USP24: variants seen among roughly 807,000 people sequenced by gnomAD.
USP24 encodes ubiquitin specific peptidase 24, also known as ubiquitin carboxyl-terminal hydrolase 24.
USP24 carries 97 observed loss-of-function variants against 361.6 expected under a neutral mutation model. The ratio of observed to expected loss-of-function variants is 0.27; its 90% CI spans 0.23 to 0.32. The LOEUF (loss-of-function observed/expected upper bound fraction) is 0.32, where lower values mean the gene tolerates loss of function less well. USP24 is among the 10% of genes least tolerant of loss of function. USP24 has a pLI of 1.00. For synonymous variants in USP24, 1,098 were observed against 1,124.6 expected (o/e 0.98, Z 0.47); for missense variants, 2,353 against 3,165.6 (o/e 0.74, Z 6.16).
Position 55,139,770 on chromosome 1 carries a change from A to T in USP24, c.2751-760T>A, listed in dbSNP as rs535813078. 7.2e-5 allele frequency among the ~76,000 whole-genome samples: 11 copies of T among 152,290 alleles called. No homozygotes were observed. The East Asian group carries it at 9.6e-4, about 13-fold the overall frequency. ...GGTATGCTGATTAGCAGTACCAAAAATTTCACTCTAAAAACAGCTGGTTAA... is the reference window on the plus strand; with the variant it reads ...GGTATGCTGATTAGCAGTACCAAAATTTTCACTCTAAAAACAGCTGGTTAA... On this transcript the variant is annotated intron_variant, in intron 24 of 67. Coordinates refer to ENST00000294383, the MANE Select transcript of USP24 (RefSeq NM_015306.3).
chr1:55,144,241 A>G (rs1234966368), intron 20 of USP24, 38 bp from the exon 21 acceptor site: 1 of 1,347,080 alleles, frequency 7.4e-7, no homozygotes, highest in South Asian at 1.4e-5. Context: ...CATGTACTCT[A>G]CGTAACACAG....
At chr1:55,202,179 G>C (rs565243050) in intron 1 of USP24, among the ~76,000 whole-genome samples, 1 of 152,216 alleles carries the variant, frequency 6.6e-6, no homozygotes, top group Admixed American at 6.5e-5. Context: ...CCTAAGGCAA[G>C]TGTTATATTT....
At position 55,097,970 on chromosome 1, in the gene USP24, C is replaced by T. The variant is rs776532547; in HGVS notation, c.5568G>A (p.Ala1856=). 20 of 1,610,764 alleles carry T rather than the reference C, an allele frequency of 1.2e-5. No individual in the cohort carries two copies. Among genetic ancestry groups the T allele is most frequent in the African/African-American group, 5.4e-5 (4 of 74,654 alleles). Reference sequence around the variant, plus strand: ...TTTCTTTACACTTTTCACAGTAGTACGCATTACTTCCTTCTAGAACTTCTC... The same window carrying T: ...TTTCTTTACACTTTTCACAGTAGTATGCATTACTTCCTTCTAGAACTTCTC... The part of the protein sequence containing the change: ...VRGEVLEGSN[A]YYCEKCKEKR... The change falls in exon 47 of 68, where the codon GCG becomes GCA. Residue 1856 remains alanine (A), a synonymous_variant. Coordinates refer to ENST00000294383, the MANE Select transcript of USP24 (RefSeq NM_015306.3).
intron 25 of USP24, 97 bp downstream of exon 25, chr1:55,138,847 T>C: frequency 7.4e-7 from 1 of 1,355,932 alleles, no homozygotes; most frequent in Admixed American, 1.9e-5. Flanking sequence ...GGTGTGGTGG[T>C]GTGTGCTAAA....
In USP24 at chr1:55,078,664, C is replaced by T; in HGVS notation, c.7201-13G>A. ...AAGCAAACATTACCTGGTGGGAAGA[C>T]ATAACACAGTCAGCTATTCTCATGT... On this transcript the variant is annotated splice_polypyrimidine_tract_variant and intron_variant, in intron 60 of 67. Coordinates refer to ENST00000294383, the MANE Select transcript of USP24 (RefSeq NM_015306.3). The T allele has an allele frequency of 6.3e-7, 1 of 1,591,446 alleles. No individual in the cohort carries two copies. The highest frequency in any genetic ancestry group is 8.5e-7 in the Non-Finnish European group (1 of 1,171,588).
intron 55 of USP24, among the ~76,000 whole-genome samples, chr1:55,088,822 T>C (rs1028502105): frequency 3.3e-5 from 5 of 152,224 alleles, no homozygotes; most frequent in African/African-American, 9.6e-5. Flanking sequence ...TTCATAGTGA[T>C]TGGAGCATTC....
intron 3 of USP24, among the ~76,000 whole-genome samples, chr1:55,174,149 A>T (rs1297813637): frequency 6.6e-6 from 1 of 152,252 alleles, no homozygotes; most frequent in Non-Finnish European, 1.5e-5. Flanking sequence ...AAATGACAAC[A>T]AAGCTCCTTT....
intron 1 of USP24, among the ~76,000 whole-genome samples, chr1:55,187,160 A>G (rs1020574216): frequency 5.3e-5 from 8 of 152,200 alleles, no homozygotes; most frequent in Non-Finnish European, 8.8e-5. Flanking sequence ...CACCATAGTA[A>G]CAGAATAAAG....
At chr1:55,198,173 G>T (rs966106821) in intron 1 of USP24, among the ~76,000 whole-genome samples, 1 of 151,354 alleles carries the variant, frequency 6.6e-6, no homozygotes, top group Non-Finnish European at 1.5e-5. Context: ...TTAAAGACAG[G>T]ATCTCACTAT....
chr1:55,173,657 A>G (rs1451560675), intron 3 of USP24, among the ~76,000 whole-genome samples: 2 of 152,238 alleles, frequency 1.3e-5, no homozygotes, highest in African/African-American at 2.4e-5. Context: ...GGAAGAGCCC[A>G]AACTGTAATA....
At position 55,206,803 on chromosome 1, in the gene USP24, CAATT is replaced by C. The variant is rs549188531; in HGVS notation, c.324+7983_324+7986del. ...AGCAAGGAGTCTAGAATAACACAGA[CAATT>C]AATAATAGTGTTGCTATTCACAGAG... On this transcript the variant is annotated intron_variant, in intron 1 of 67. Transcript: ENST00000294383. Among the ~76,000 whole-genome samples, 14 of 152,040 alleles carry C rather than the reference CAATT, an allele frequency of 9.2e-5. No homozygotes were observed. In the South Asian group the frequency reaches 2.7e-3, roughly 29 times the overall value.
chr1:55,073,452 T>C (rs1467198837), intron 64 of USP24, among the ~76,000 whole-genome samples: 1 of 152,106 alleles, frequency 6.6e-6, no homozygotes, highest in African/African-American at 2.4e-5. Context: ...GGTGACATGA[T>C]TTGAAAGGCT....
intron 3 of USP24, among the ~76,000 whole-genome samples, chr1:55,176,089 T>A (rs528404995): frequency 1.2e-3 from 182 of 152,336 alleles, no homozygotes; most frequent in South Asian, 2.1e-3. Flanking sequence ...AAGTCTAGTA[T>A]AATTAAGTCT....
chr1:55,199,691 C>T (rs1644518406), intron 1 of USP24, among the ~76,000 whole-genome samples: 1 of 151,476 alleles, frequency 6.6e-6, no homozygotes, highest in South Asian at 2.1e-4. Context: ...AATAATGAAT[C>T]AAGGTGAAGG....
chr1:55,212,308 C>T (rs770267550), intron 1 of USP24, among the ~76,000 whole-genome samples: 1 of 152,202 alleles, frequency 6.6e-6, no homozygotes, highest in Non-Finnish European at 1.5e-5. Flanking sequence ...CATTATTTCT[C>T]CTTACTATCC....
At chr1:55,122,906 A>C (rs1276397709) in intron 36 of USP24, among the ~76,000 whole-genome samples, 1 of 152,158 alleles carries the variant, frequency 6.6e-6, no homozygotes, top group Non-Finnish European at 1.5e-5. Flanking sequence ...ACCCAAATTT[A>C]GGTGTTGTCA....
intron 51 of USP24, among the ~76,000 whole-genome samples, chr1:55,094,875 C>T (rs980908764): frequency 2.6e-5 from 4 of 151,880 alleles, no homozygotes; most frequent in African/African-American, 4.8e-5. Context: ...TGGTGCCCCT[C>T]GCCTGTGGTC....
intron 21 of USP24, 40 bp downstream of exon 21, chr1:55,144,087 G>T: frequency 1.3e-6 from 2 of 1,483,588 alleles, no homozygotes; most frequent in South Asian, 1.3e-5. Flanking sequence ...AGTTATACTA[G>T]ATTATCCAAA....
rs148790826 is a variant in USP24 at position 55,110,363 on chromosome 1, C to T, written c.4509-117G>A. On this transcript the variant is annotated intron_variant, in intron 38 of 67. Coordinates refer to ENST00000294383, the MANE Select transcript of USP24 (RefSeq NM_015306.3). ...AGCAAGATAATTTTGGTAAGCATAA[C>T]TACTTTTATATTAACTCAAATTCCA... 1.4e-3 allele frequency: 1,082 copies of T among 769,050 alleles called. 7 individuals carry two copies. The African/African-American group carries it at 0.018, about 13-fold the overall frequency. 47.6% of individuals were successfully genotyped at this position (769,050 alleles called of 1,614,324 possible).
Sources: gnomAD v4.1 joint callset for allele counts (sites outside exome capture counted in the v4.1 genomes callset) on GRCh38, gnomAD v4.1.1 for gene constraint, MANE v1.5 for transcripts, NCBI Gene and HGNC (gene_info 2026-07-23, HGNC 2026-07-21) for gene names.